LRRC49: variants seen among roughly 807,000 people sequenced by gnomAD.
The protein encoded by LRRC49 is leucine rich repeat containing 49.
In LRRC49, 50 loss-of-function variants were observed where a neutral mutation model predicts 83.3. That is an observed-to-expected ratio of 0.60 (90% CI 0.48 to 0.76). The LOEUF is 0.76. LRRC49 is among the 30% of genes least tolerant of loss of function. LRRC49 has a pLI of 0.00. For missense variants in LRRC49, 704 were observed against 809.1 expected, an observed-to-expected ratio of 0.87 and a Z score of 1.58; for synonymous variants, 286 against 283.3, an observed-to-expected ratio of 1.01 and a Z score of -0.10.
intron 9 of LRRC49, among the ~76,000 whole-genome samples, chr15:70,977,985 T>C (rs1404072304): frequency 1.3e-5 from 2 of 152,142 alleles, no homozygotes; most frequent in Non-Finnish European, 2.9e-5. Flanking sequence ...GTATATGCTT[T>C]CTTAGTTTTC....
At chr15:70,927,052 A>G (rs533043089) in intron 7 of LRRC49, among the ~76,000 whole-genome samples, 1 of 152,328 alleles carries the variant, frequency 6.6e-6, no homozygotes, top group Admixed American at 6.5e-5. Flanking sequence ...CACACCAGTT[A>G]GAATGGCGAT....
chr15:70,912,708 G>C (rs1215375755), intron 6 of LRRC49, among the ~76,000 whole-genome samples: 1 of 151,698 alleles, frequency 6.6e-6, no homozygotes, highest in African/African-American at 2.4e-5. Flanking sequence ...ACGGAGTCTT[G>C]CTCTGTCGCC....
At chr15:71,045,649 C>T (rs1358433135) in intron 15 of LRRC49, among the ~76,000 whole-genome samples, 2 of 152,094 alleles carry the variant, frequency 1.3e-5, no homozygotes, top group Non-Finnish European at 2.9e-5. Flanking sequence ...TTATTTTTTT[C>T]ACATAACATT....
intron 2 of LRRC49, among the ~76,000 whole-genome samples, chr15:70,884,065 C>T (rs115741713): frequency 9.2e-5 from 14 of 151,800 alleles, no homozygotes; most frequent in Non-Finnish European, 1.9e-4. Context: ...ATGTGGAAGA[C>T]GGTAAGAAAA....
chr15:71,022,892 C>G (rs1275862693), intron 14 of LRRC49, among the ~76,000 whole-genome samples: 2 of 152,106 alleles, frequency 1.3e-5, no homozygotes, highest in African/African-American at 4.8e-5. Flanking sequence ...AAAAATTGAC[C>G]AAATACTGTT....
intron 10 of LRRC49, among the ~76,000 whole-genome samples, chr15:70,980,951 G>A (rs965526047): frequency 1.3e-5 from 2 of 152,144 alleles, no homozygotes; most frequent in African/African-American, 4.8e-5. Flanking sequence ...AACTACTTGG[G>A]AGGCTAAGGT....
intron 8 of LRRC49, among the ~76,000 whole-genome samples, chr15:70,958,073 C>A (rs1031866406): frequency 6.6e-6 from 1 of 152,058 alleles, no homozygotes; most frequent in African/African-American, 2.4e-5. Flanking sequence ...GGATTCCTTT[C>A]CTTATCACAT....
chr15:70,951,149 T>G (rs1192179146), intron 8 of LRRC49, among the ~76,000 whole-genome samples: 1 of 152,212 alleles, frequency 6.6e-6, no homozygotes, highest in Non-Finnish European at 1.5e-5. Context: ...CCATGCTGTT[T>G]CAGTTACTGT....
rs184415893 is a variant in LRRC49, at chr15:70,978,416, C to G, written c.922-1685C>G. On this transcript the variant is annotated intron_variant, in intron 9 of 15. Transcript: ENST00000260382. Reference sequence around the variant, plus strand: ...GAAAGTTTTCAACCAGAAGTAAATACATGTCACTTTTGTCCATATGACATT... The same window carrying G: ...GAAAGTTTTCAACCAGAAGTAAATAGATGTCACTTTTGTCCATATGACATT... Among the ~76,000 whole-genome samples, 80 of 152,280 alleles carry G rather than the reference C, an allele frequency of 5.3e-4. 3 individuals are homozygous for G. The East Asian group carries it at 0.013, about 25-fold the overall frequency.
At chr15:70,914,647 C>T (rs1434879305) in intron 6 of LRRC49, among the ~76,000 whole-genome samples, 1 of 152,152 alleles carries the variant, frequency 6.6e-6, no homozygotes, top group African/African-American at 2.4e-5. Flanking sequence ...GTAGTGAATA[C>T]AGAGGAATCT....
chr15:71,012,617 T>C (rs2038688680), intron 13 of LRRC49, among the ~76,000 whole-genome samples, 187 bp from the exon 14 acceptor site: 1 of 152,152 alleles, frequency 6.6e-6, no homozygotes, highest in Non-Finnish European at 1.5e-5. Flanking sequence ...ACCACAATTA[T>C]ACGTCTTCAT....
At chr15:70,895,622 C>A in intron 2 of LRRC49, 1 of 418,348 alleles carries the variant, frequency 2.4e-6, no homozygotes. Context: ...AGTTACTTCC[C>A]ATTCCCTGCT....
intron 1 of LRRC49, among the ~76,000 whole-genome samples, chr15:70,870,603 G>C (rs2033006176): frequency 6.6e-6 from 1 of 152,180 alleles, no homozygotes. Context: ...CGATTCTCCT[G>C]CCTCAGCCTC....
At chr15:70,935,867 T>TA (rs929400134) in intron 7 of LRRC49, among the ~76,000 whole-genome samples, 7 of 152,098 alleles carry the variant, frequency 4.6e-5, no homozygotes, top group African/African-American at 1.7e-4. Context: ...ACCACACCCT[T>TA]ATTCTCCCCC....
intron 10 of LRRC49, among the ~76,000 whole-genome samples, chr15:70,982,734 A>C (rs1395380158): frequency 1.3e-5 from 2 of 152,164 alleles, no homozygotes; most frequent in Admixed American, 1.3e-4. Context: ...CTCCTGCATT[A>C]GCCTCCCAAG....
intron 1 of LRRC49, among the ~76,000 whole-genome samples, chr15:70,855,741 A>AAG (rs1021167386): frequency 4.6e-5 from 7 of 152,164 alleles, no homozygotes; most frequent in African/African-American, 1.2e-4. Context: ...TAAGTAAAGG[A>AAG]AGAGAGAGAG....
chr15:70,984,290 T>C, intron 11 of LRRC49, 33 bp downstream of exon 11: 2 of 1,513,612 alleles, frequency 1.3e-6, no homozygotes, highest in Non-Finnish European at 1.8e-6. Context: ...GATACAAGCA[T>C]CTTTGATAAT....
intron 1 of LRRC49, among the ~76,000 whole-genome samples, chr15:70,858,389 G>A (rs932641448): frequency 2.0e-5 from 3 of 152,190 alleles, no homozygotes; most frequent in African/African-American, 7.2e-5. Context: ...ATCACTCGAG[G>A]TCAGGAGTTC....
At chr15:70,871,544 C>G (rs1405751928) in intron 1 of LRRC49, among the ~76,000 whole-genome samples, 1 of 151,458 alleles carries the variant, frequency 6.6e-6, no homozygotes, top group Non-Finnish European at 1.5e-5. Context: ...AGAGGCGCCC[C>G]CCACCTCCCG....
Sources: gnomAD v4.1 joint callset for allele counts (sites outside exome capture counted in the v4.1 genomes callset) on GRCh38, gnomAD v4.1.1 for gene constraint, MANE v1.5 for transcripts, NCBI Gene and HGNC (gene_info 2026-07-23, HGNC 2026-07-21) for gene names.